Variants in DCAF7 observed in about 807,000 individuals in gnomAD.
DCAF7 encodes DDB1 and CUL4 associated factor 7.
Under a neutral mutation model 41.2 loss-of-function variants are expected in DCAF7, and 4 were observed. That is an observed-to-expected ratio of 0.10 (90% CI 0.05 to 0.22). The LOEUF is 0.22. Ranked by LOEUF, DCAF7 falls within the 10% of genes least tolerant of loss-of-function variation. The probability of loss-of-function intolerance (pLI) is 1.00; values close to 1 mark genes in which losing one functional copy is unlikely to be tolerated. For missense variants in DCAF7, 131 were observed against 443.2 expected, an observed-to-expected ratio of 0.30 and a Z score of 6.32; for synonymous variants, 143 against 164.2, an observed-to-expected ratio of 0.87 and a Z score of 0.99.
chr17:63,555,080 A>G (rs2033297091), intron 1 of DCAF7, among the ~76,000 whole-genome samples: 1 of 152,130 alleles, frequency 6.6e-6, no homozygotes, highest in African/African-American at 2.4e-5. Flanking sequence ...AGAATTTGGC[A>G]TTTCTCCTGT....
At chr17:63,584,654 C>T (rs551794130) in intron 5 of DCAF7, among the ~76,000 whole-genome samples, 8 of 152,108 alleles carry the variant, frequency 5.3e-5, no homozygotes, top group Non-Finnish European at 8.8e-5. Flanking sequence ...CCCAGCTACT[C>T]GGGAGGCTGA....
At position 63,585,230 on chromosome 17, in the gene DCAF7, G is replaced by A. The variant is rs2147778083; in HGVS notation, c.758G>A (p.Arg253Gln). 5.6e-6 allele frequency: 9 copies of A among 1,613,866 alleles called. No homozygotes were observed. The highest frequency in any genetic ancestry group is 7.6e-6 in the Non-Finnish European group (9 of 1,179,838). Residue 253 changes from arginine (R) to glutamine (Q), a missense_variant, in exon 6 of 7, where the codon CGG becomes CAG. By Grantham distance (43) the Arg-to-Gln change is conservative. Transcript: ENST00000614556. ...DGMEVVILDV[R>Q]VPCTPVARLN... is the part of the protein sequence containing the mutation. Reference sequence around the variant, plus strand: ...CCGCAGGTGGTGATTCTAGATGTCCGGGTTCCCTGCACACCTGTCGCCAGG... The same window carrying A: ...CCGCAGGTGGTGATTCTAGATGTCCAGGTTCCCTGCACACCTGTCGCCAGG...
rs141282919 is a variant in DCAF7, at chr17:63,568,576, G to C, written c.139-9894G>C. Among the ~76,000 whole-genome samples, 450 of 152,200 alleles carry C rather than the reference G, an allele frequency of 3.0e-3. 2 individuals are homozygous for C. The highest frequency in any genetic ancestry group is 0.01 in the African/African-American group (424 of 41,528). On this transcript the variant is annotated intron_variant, in intron 1 of 6. Transcript: ENST00000614556. ...TTGAAAGCTAGCTTAGTTGATCTCTGTCATTAACAGAAACCATCTCTGTTT... is the reference window on the plus strand; with the variant it reads ...TTGAAAGCTAGCTTAGTTGATCTCTCTCATTAACAGAAACCATCTCTGTTT...
At chr17:63,576,485 A>C (rs1436164648) in intron 1 of DCAF7, among the ~76,000 whole-genome samples, 2 of 152,168 alleles carry the variant, frequency 1.3e-5, no homozygotes, top group Non-Finnish European at 2.9e-5. Flanking sequence ...ACCTTGATTC[A>C]TATCTTGTAC....
chr17:63,584,673 A>G (rs2033659042), intron 5 of DCAF7, among the ~76,000 whole-genome samples: 1 of 152,170 alleles, frequency 6.6e-6, no homozygotes. Context: ...GAGGCAGGAG[A>G]ATAGCTTGAA....
chr17:63,588,442 C>T (rs943018355), intron 6 of DCAF7, among the ~76,000 whole-genome samples: 1 of 151,500 alleles, frequency 6.6e-6, no homozygotes, highest in African/African-American at 2.4e-5. Context: ...GGTGATCCGC[C>T]TGCCTCAGCC....
Position 63,590,778 on chromosome 17 carries a change from T to G in DCAF7, c.*1606T>G, listed in dbSNP as rs1194993648. ...AGGATGATGGTTTTGTCCTCTTTGG[T>G]TCTCACCTGCTTGAGAAGTAAAACA... On this transcript the variant is annotated 3_prime_UTR_variant, in exon 7 of 7. Coordinates refer to ENST00000614556, the MANE Select transcript of DCAF7 (RefSeq NM_005828.5). The G allele has an allele frequency of 2.0e-5, 3 of 152,264 alleles. No individual in the cohort carries two copies. The highest frequency in any genetic ancestry group is 2.0e-4 in the Admixed American group (3 of 15,278). The allele number at this position is 152,264 out of a possible 1,614,324, so 9.4% of individuals were successfully genotyped here.
At chr17:63,581,281 TC>T (rs1443473452) in intron 4 of DCAF7, among the ~76,000 whole-genome samples, 13 of 152,268 alleles carry the variant, frequency 8.5e-5, no homozygotes, top group African/African-American at 3.1e-4. Context: ...GTCTGTTAGG[TC>T]CAACCCAGAA....
In DCAF7 at chr17:63,589,658, G is replaced by A. The variant is rs969750609; in HGVS notation, c.*486G>A. 5.7e-6 allele frequency: 1 copy of A among 176,524 alleles called. No homozygotes were observed. Among genetic ancestry groups the A allele is most frequent in the African/African-American group, 2.4e-5 (1 of 41,788 alleles). 10.9% of individuals were successfully genotyped at this position (176,524 alleles called of 1,614,324 possible). ...TAACAAATTTTAACTTTGTATATTT[G>A]TTATCTATCAGGCTAATTTTTTTAT... On this transcript the variant is annotated 3_prime_UTR_variant, in exon 7 of 7. Transcript: ENST00000614556.
At chr17:63,583,914 A>G (rs946741696) in intron 5 of DCAF7, among the ~76,000 whole-genome samples, 1 of 152,146 alleles carries the variant, frequency 6.6e-6, no homozygotes, top group Non-Finnish European at 1.5e-5. Flanking sequence ...GCTGCTAAAT[A>G]TCCTACAGTG....
chr17:63,552,139 G>T (rs538528789), intron 1 of DCAF7, among the ~76,000 whole-genome samples: 1 of 152,214 alleles, frequency 6.6e-6, no homozygotes, highest in East Asian at 1.9e-4. Flanking sequence ...GAAGAAACCA[G>T]GTGGTCCTGT....
Position 63,591,055 on chromosome 17 carries a change from C to T in DCAF7, c.*1883C>T, listed in dbSNP as rs938167189. 3.9e-5 allele frequency: 6 copies of T among 152,222 alleles called. No homozygotes were observed. The highest frequency in any genetic ancestry group is 1.3e-4 in the Admixed American group (2 of 15,278). The allele number at this position is 152,222 out of a possible 1,614,324, so 9.4% of individuals were successfully genotyped here. A position where few individuals can be genotyped will look rare whatever the true frequency, so the allele number is the denominator to read the frequency against. On this transcript the variant is annotated 3_prime_UTR_variant, in exon 7 of 7. Coordinates refer to ENST00000614556, the MANE Select transcript of DCAF7 (RefSeq NM_005828.5). ...ATTTGCCACTGGATTTGCACTGCAT[C>T]GTTTGGAGATACAAAGCGAGCAGTT... is the stretch of plus-strand genomic sequence containing the variant.
intron 1 of DCAF7, among the ~76,000 whole-genome samples, chr17:63,577,202 G>A (rs1224522236): frequency 6.6e-6 from 1 of 152,088 alleles, no homozygotes; most frequent in East Asian, 1.9e-4. Flanking sequence ...TTACTGTGGG[G>A]GTTATACAAC....
chr17:63,566,640 G>A (rs1460717464), intron 1 of DCAF7, among the ~76,000 whole-genome samples: 1 of 152,204 alleles, frequency 6.6e-6, no homozygotes, highest in African/African-American at 2.4e-5. Context: ...GCAGAATACA[G>A]CTGACAACGG....
At chr17:63,585,539 A>G (rs978121512) in intron 6 of DCAF7, among the ~76,000 whole-genome samples, 1 of 152,230 alleles carries the variant, frequency 6.6e-6, no homozygotes, top group Non-Finnish European at 1.5e-5. Context: ...CATCTTCCAT[A>G]TATGATTTAC....
chr17:63,558,405 T>G (rs2033333528), intron 1 of DCAF7, among the ~76,000 whole-genome samples: 1 of 152,206 alleles, frequency 6.6e-6, no homozygotes. Flanking sequence ...AAGGTTTATG[T>G]GGAAATAATA....
At position 63,590,993 on chromosome 17, in the gene DCAF7, C is replaced by CT; in HGVS notation, c.*1822dup. 3 of 152,356 alleles carry CT rather than the reference C, an allele frequency of 2.0e-5. No homozygotes were observed. The highest frequency in any genetic ancestry group is 4.4e-5 in the Non-Finnish European group (3 of 68,062). The allele number at this position is 152,356 out of a possible 1,614,324, so 9.4% of individuals were successfully genotyped here. A position where few individuals can be genotyped will look rare whatever the true frequency, so the allele number is the denominator to read the frequency against. On this transcript the variant is annotated 3_prime_UTR_variant, in exon 7 of 7. Transcript: ENST00000614556. ...TTACTTTGTTGTTCTGATTTTAGGA[C>CT]TCTGGCTGGCCATGTGCTTGTGGTT...
At position 63,550,696 on chromosome 17, in the gene DCAF7, C is replaced by A. The variant is rs1244220431; in HGVS notation, c.19C>A (p.Arg7=). 2.5e-6 allele frequency: 4 copies of A among 1,613,388 alleles called. No individual in the cohort carries two copies. The highest frequency in any genetic ancestry group is 1.7e-5 in the Admixed American group (1 of 60,008). The change falls in exon 1 of 7, where the codon CGG becomes AGG. Residue 7 remains arginine, a synonymous_variant. Coordinates refer to ENST00000614556, the MANE Select transcript of DCAF7 (RefSeq NM_005828.5). This position sits in a 1 kb window ranked among gnomAD's most constrained non-coding sequence, Gnocchi z 4.8. MSLHGK[R]KEIYKYEAPW... is the part of the protein sequence containing the mutation. ...GGCCACCATGTCCCTGCACGGCAAA[C>A]GGAAGGAGATCTACAAGTATGAAGC...
At position 63,589,613 on chromosome 17, in the gene DCAF7, T is replaced by C. The variant is rs1488186916; in HGVS notation, c.*441T>C. 1 of 209,292 alleles carries C rather than the reference T, an allele frequency of 4.8e-6. No homozygotes were observed. Among genetic ancestry groups the C allele is most frequent in the African/African-American group, 2.3e-5 (1 of 43,006 alleles). 13.0% of individuals were successfully genotyped at this position (209,292 alleles called of 1,614,324 possible). A position where few individuals can be genotyped will look rare whatever the true frequency, so the allele number is the denominator to read the frequency against. ...TGGGAACAAATACCAATTTGTCTTTTCTCCTAGTATCAGTGTGTTTAACAA... is the reference window on the plus strand; with the variant it reads ...TGGGAACAAATACCAATTTGTCTTTCCTCCTAGTATCAGTGTGTTTAACAA... On this transcript the variant is annotated 3_prime_UTR_variant, in exon 7 of 7. Transcript: ENST00000614556.
Sources: gnomAD v4.1 joint callset for allele counts (sites outside exome capture counted in the v4.1 genomes callset) on GRCh38, gnomAD v4.1.1 for gene constraint, Gnocchi (gnomAD v3.1) non-coding constraint, MANE v1.5 for transcripts, NCBI Gene and HGNC (gene_info 2026-07-23, HGNC 2026-07-21) for gene names.